Variants in PDE7B observed in about 807,000 individuals in gnomAD.
The protein encoded by PDE7B is 3',5'-cyclic-AMP phosphodiesterase 7B.
PDE7B carries 29 observed loss-of-function variants against 56.2 expected under a neutral mutation model. The observed-to-expected ratio is 0.52, with a 90% CI of 0.38 to 0.70. The LOEUF (loss-of-function observed/expected upper bound fraction) is 0.70. Among genes scored for constraint, PDE7B ranks in the 30% least tolerant of loss-of-function variants. The probability of loss-of-function intolerance (pLI) is 0.00; values close to 1 mark genes in which losing one functional copy is unlikely to be tolerated. For missense variants in PDE7B, 490 were observed against 565.0 expected (o/e 0.87, Z 1.35); for synonymous variants, 197 against 196.9 (o/e 1.00, Z 0.00).
At chr6:136,137,216 C>T (rs536055081) in intron 3 of PDE7B, among the ~76,000 whole-genome samples, 6 of 151,980 alleles carry the variant, frequency 3.9e-5, no homozygotes, top group South Asian at 2.1e-4. Context: ...TGATTGCACA[C>T]CTGTGAACAG....
intron 2 of PDE7B, among the ~76,000 whole-genome samples, chr6:135,969,204 A>T (rs1775050654): frequency 6.6e-6 from 1 of 152,140 alleles, no homozygotes; most frequent in Non-Finnish European, 1.5e-5. Context: ...TGTATGCTGG[A>T]CTTAATACCT....
intron 2 of PDE7B, among the ~76,000 whole-genome samples, chr6:136,082,449 G>GGA (rs1338928455): frequency 2.0e-5 from 3 of 152,158 alleles, no homozygotes; most frequent in Non-Finnish European, 4.4e-5. Context: ...CTAATCATCT[G>GGA]GAGAGGACAG....
intron 1 of PDE7B, among the ~76,000 whole-genome samples, chr6:135,922,881 C>G (rs1248605514): frequency 6.6e-6 from 1 of 152,164 alleles, no homozygotes; most frequent in Non-Finnish European, 1.5e-5. Flanking sequence ...TCCTGTGGGT[C>G]ATCAAATTAA....
At chr6:135,950,667 C>G (rs1170492759) in intron 2 of PDE7B, among the ~76,000 whole-genome samples, 1 of 152,216 alleles carries the variant, frequency 6.6e-6, no homozygotes, top group South Asian at 2.1e-4. Flanking sequence ...TGGGTGCCTG[C>G]TGGATCCTAG....
intron 1 of PDE7B, among the ~76,000 whole-genome samples, chr6:135,928,469 T>TTATATATATATTTATA (rs1562442843): frequency 4.9e-5 from 4 of 81,740 alleles, no homozygotes; most frequent in African/African-American, 1.6e-4. Flanking sequence ...ATATATTTAT[T>TTATATATATATTTATA]TATATATATA....
rs1314988051 is a variant in PDE7B at position 136,195,455 on chromosome 6, G to GGA, written c.*3615_*3616insGA. 164 of 68,954 alleles carry GGA rather than the reference G, an allele frequency of 2.4e-3. No individual in the cohort carries two copies. Among genetic ancestry groups the GGA allele is most frequent in the African/African-American group, 6.4e-3 (149 of 23,262 alleles). 4.3% of individuals were successfully genotyped at this position (68,954 alleles called of 1,614,324 possible). ...CATTTTGTATACACATGTGAGGTTT[G>GGA]AAAAAAAAAAAAAAAAAAAAAAGAA... is the stretch of plus-strand genomic sequence containing the variant. On this transcript the variant is annotated 3_prime_UTR_variant, in exon 13 of 13. Transcript: ENST00000308191.
intron 2 of PDE7B, among the ~76,000 whole-genome samples, chr6:135,992,185 C>G (rs1158513908): frequency 6.7e-6 from 1 of 149,056 alleles, no homozygotes; most frequent in Non-Finnish European, 1.5e-5. Flanking sequence ...ATAAAATACA[C>G]TAATACTAAT....
intron 12 of PDE7B, 70 bp downstream of exon 12, chr6:136,187,186 A>G: frequency 1.2e-6 from 1 of 805,288 alleles, no homozygotes; most frequent in Middle Eastern, 2.3e-4. Context: ...CAAAGAAAAG[A>G]TCTAAACACA....
intron 2 of PDE7B, among the ~76,000 whole-genome samples, chr6:135,954,634 GC>G (rs1451683791): frequency 6.6e-6 from 1 of 152,118 alleles, no homozygotes; most frequent in Non-Finnish European, 1.5e-5. Flanking sequence ...AATCCCTATT[GC>G]CACAGAGTAT....
chr6:135,961,146 A>G (rs1195811449), intron 2 of PDE7B, among the ~76,000 whole-genome samples: 1 of 152,174 alleles, frequency 6.6e-6, no homozygotes, highest in African/African-American at 2.4e-5. Context: ...GATTACCACT[A>G]TAGTGTCTAA....
At chr6:136,100,431 T>C (rs1777541476) in intron 2 of PDE7B, among the ~76,000 whole-genome samples, 1 of 152,252 alleles carries the variant, frequency 6.6e-6, no homozygotes, top group Non-Finnish European at 1.5e-5. Context: ...CATTTATTTG[T>C]GTCCTCTTTT....
chr6:135,971,444 A>C (rs752141895), intron 2 of PDE7B, among the ~76,000 whole-genome samples: 1 of 152,148 alleles, frequency 6.6e-6, no homozygotes, highest in Non-Finnish European at 1.5e-5. Context: ...GGAAAGAGAG[A>C]TTGCTCTTTT....
At chr6:136,006,056 G>A (rs1159540713) in intron 2 of PDE7B, among the ~76,000 whole-genome samples, 1 of 151,602 alleles carries the variant, frequency 6.6e-6, no homozygotes, top group Non-Finnish European at 1.5e-5. Flanking sequence ...TCCTTTGTAG[G>A]GACATGGATG....
intron 3 of PDE7B, among the ~76,000 whole-genome samples, chr6:136,130,266 C>G (rs914847539): frequency 1.1e-4 from 16 of 152,238 alleles, no homozygotes; most frequent in Admixed American, 6.5e-4. Context: ...CTCAGACTAC[C>G]TTTCACTGGT....
chr6:136,138,860 AT>A (rs368481615), intron 3 of PDE7B, among the ~76,000 whole-genome samples: 56 of 152,246 alleles, frequency 3.7e-4, no homozygotes, highest in African/African-American at 1.3e-3. Flanking sequence ...AACTTTGAAC[AT>A]TTTTAGGGGG....
chr6:136,081,236 TGAG>T (rs765854997), intron 2 of PDE7B, among the ~76,000 whole-genome samples: 8 of 152,014 alleles, frequency 5.3e-5, no homozygotes, highest in Non-Finnish European at 7.4e-5. Flanking sequence ...TGAACACACA[TGAG>T]GAGAGAGAAA....
At chr6:136,130,650 C>A (rs1778102121) in intron 3 of PDE7B, among the ~76,000 whole-genome samples, 1 of 152,202 alleles carries the variant, frequency 6.6e-6, no homozygotes, top group African/African-American at 2.4e-5. Context: ...AATCCCATCA[C>A]CTTCCTCTGG....
intron 1 of PDE7B, among the ~76,000 whole-genome samples, chr6:135,910,890 G>A (rs1206807452): frequency 3.3e-5 from 5 of 152,120 alleles, no homozygotes; most frequent in Non-Finnish European, 4.4e-5. Context: ...TTCCCCAAGA[G>A]TAACCCCATA....
intron 2 of PDE7B, among the ~76,000 whole-genome samples, chr6:136,102,470 G>A (rs1777578794): frequency 6.6e-6 from 1 of 152,146 alleles, no homozygotes; most frequent in Non-Finnish European, 1.5e-5. Flanking sequence ...CCAGAAATAC[G>A]TGAATGATGC....
Sources: allele counts gnomAD v4.1 joint callset (sites outside exome capture counted in the v4.1 genomes callset), GRCh38; gene constraint gnomAD v4.1.1; transcripts MANE v1.5; gene names NCBI Gene and HGNC (gene_info 2026-07-23, HGNC 2026-07-21).